The following TAB2 variants were observed in gnomAD, a reference collection of about 807,000 sequenced individuals.
The protein encoded by TAB2 is TGF-beta activated kinase 1 (MAP3K7) binding protein 2.
In TAB2, 3 loss-of-function variants were observed where a neutral mutation model predicts 65.0. That is an observed-to-expected ratio of 0.05 (90% CI 0.02 to 0.12). The LOEUF (loss-of-function observed/expected upper bound fraction) is 0.12, where lower values mean the gene tolerates loss of function less well. Among genes scored for constraint, TAB2 ranks in the 10% least tolerant of loss-of-function variants. TAB2 has a pLI of 1.00. For synonymous variants in TAB2, 298 were observed against 285.1 expected, an observed-to-expected ratio of 1.05 and a Z score of -0.46; for missense variants, 623 against 840.3, an observed-to-expected ratio of 0.74 and a Z score of 3.20.
At chr6:149,400,188 G>C in intron 6 of TAB2, 1 of 586,718 alleles carries the variant, frequency 1.7e-6, no homozygotes, top group Non-Finnish European at 3.0e-6. Context: ...TTAAAAACAG[G>C]ATCTGGCAGC....
chr6:149,400,439 T>C, intron 6 of TAB2: 1 of 1,614,182 alleles, frequency 6.2e-7, no homozygotes, highest in Non-Finnish European at 8.5e-7. Flanking sequence ...AGAACAACAA[T>C]CATATTAATT....
intron 1 of TAB2, among the ~76,000 whole-genome samples, chr6:149,297,358 A>G (rs750449000): frequency 1.3e-5 from 2 of 152,208 alleles, no homozygotes; most frequent in Admixed American, 6.5e-5. Context: ...ATGACTTCTC[A>G]TTTTAAAAAT....
chr6:149,235,363 T>C (rs890965560), intron 1 of TAB2, among the ~76,000 whole-genome samples: 1 of 152,202 alleles, frequency 6.6e-6, no homozygotes, highest in African/African-American at 2.4e-5. Context: ...GGATATTCTG[T>C]TGAGGAAGAG....
At chr6:149,302,269 G>A (rs1024863144) in intron 1 of TAB2, among the ~76,000 whole-genome samples, 11 of 152,134 alleles carry the variant, frequency 7.2e-5, no homozygotes, top group South Asian at 2.1e-4. Flanking sequence ...GGCATATATC[G>A]AAATGTTAAC....
intron 1 of TAB2, among the ~76,000 whole-genome samples, chr6:149,263,990 A>G (rs1290256880): frequency 3.3e-5 from 5 of 152,178 alleles, no homozygotes; most frequent in Non-Finnish European, 7.4e-5. Flanking sequence ...CCCAGGGAGG[A>G]TCAAGTGAAT....
intron 1 of TAB2, among the ~76,000 whole-genome samples, chr6:149,332,838 G>A (rs1418775638): frequency 6.6e-6 from 1 of 152,180 alleles, no homozygotes; most frequent in East Asian, 1.9e-4. Context: ...AGAAAGACAT[G>A]TCTCCTGAGT....
chr6:149,377,908 A>T, intron 2 of TAB2, 110 bp from the exon 3 acceptor site: 1 of 816,534 alleles, frequency 1.2e-6, no homozygotes, highest in Non-Finnish European at 2.0e-6. Context: ...ATCCAAATAT[A>T]TGTTATAATT....
intron 2 of TAB2, among the ~76,000 whole-genome samples, chr6:149,373,057 CTTAAGT>C (rs1324485149): frequency 8.5e-5 from 13 of 152,280 alleles, no homozygotes; most frequent in African/African-American, 2.2e-4. Flanking sequence ...CCTCTTTTCT[CTTAAGT>C]TTATCTGTTG....
At chr6:149,327,964 T>G (rs1362749570) in intron 1 of TAB2, among the ~76,000 whole-genome samples, 2 of 152,226 alleles carry the variant, frequency 1.3e-5, no homozygotes, top group South Asian at 2.1e-4. Flanking sequence ...TCATGAACAT[T>G]GCCATACATT....
At chr6:149,342,827 T>G (rs1443888424) in intron 1 of TAB2, 1 of 152,194 alleles carries the variant, frequency 6.6e-6, no homozygotes, top group Non-Finnish European at 1.5e-5. Flanking sequence ...AATTTTTCTA[T>G]TTCCAGGTAT....
At chr6:149,317,637 G>GGGTGGGGGCAGAGGGA (rs1468005217), upstream of TAB2, 1 of 160,408 alleles carries the variant, frequency 6.2e-6, no homozygotes, top group Non-Finnish European at 1.4e-5. The surrounding 1 kb of genome is among the most constrained non-coding windows in gnomAD (Gnocchi z 4.7). Context: ...AGCGCGAGGG[G>GGGTGGGGGCAGAGGGA]GGTGGGGGCA....
chr6:149,229,650 C>A (rs1165595448), intron 1 of TAB2, among the ~76,000 whole-genome samples: 2 of 152,096 alleles, frequency 1.3e-5, no homozygotes, highest in African/African-American at 4.8e-5. Flanking sequence ...GGTGGTGATC[C>A]AGCAGGGCCG....
upstream of TAB2, among the ~76,000 whole-genome samples, chr6:149,314,189 T>C (rs1046181307): frequency 2.6e-5 from 4 of 152,236 alleles, no homozygotes; most frequent in African/African-American, 9.6e-5. Flanking sequence ...CTATATTAAC[T>C]CTTCATTATC....
At chr6:149,217,959 A>G (rs1777058023), upstream of TAB2, 1 of 152,166 alleles carries the variant, frequency 6.6e-6, no homozygotes, top group African/African-American at 2.4e-5. Context: ...GTATGGAGGC[A>G]AAAGCTGAAG....
At chr6:149,408,646 A>G (rs1284876764) in intron 6 of TAB2, among the ~76,000 whole-genome samples, 1 of 152,156 alleles carries the variant, frequency 6.6e-6, no homozygotes, top group East Asian at 1.9e-4. Context: ...TGCTCCTTTT[A>G]CTTTAAACCT....
At chr6:149,229,032 T>C (rs1777344016) in intron 1 of TAB2, among the ~76,000 whole-genome samples, 1 of 152,174 alleles carries the variant, frequency 6.6e-6, no homozygotes, top group Non-Finnish European at 1.5e-5. Flanking sequence ...ATTGGAAAGA[T>C]GGCAGCAAAG....
chr6:149,409,740 C>T lies in TAB2; in HGVS notation c.*21C>T, dbSNP rs934194599. 6.2e-7 allele frequency: 1 copy of T among 1,613,744 alleles called. No individual in the cohort carries two copies. Among genetic ancestry groups the T allele is most frequent in the African/African-American group, 1.3e-5 (1 of 74,896 alleles). ...TCTGAGCCAAATGGCCCTGTATCTTCTCTAAAACCACATCTAAAGTTCAAG... is the reference window on the plus strand; with the variant it reads ...TCTGAGCCAAATGGCCCTGTATCTTTTCTAAAACCACATCTAAAGTTCAAG... On this transcript the variant is annotated 3_prime_UTR_variant, in exon 7 of 7. Transcript: ENST00000637181.
intron 1 of TAB2, among the ~76,000 whole-genome samples, chr6:149,356,269 T>A (rs938768429): frequency 6.6e-6 from 1 of 152,202 alleles, no homozygotes; most frequent in African/African-American, 2.4e-5. Flanking sequence ...TCACAGTGAT[T>A]CTGTGACTAA....
chr6:149,239,276 C>T (rs2114640752), intron 1 of TAB2, among the ~76,000 whole-genome samples: 1 of 152,312 alleles, frequency 6.6e-6, no homozygotes, highest in South Asian at 2.1e-4. Context: ...CTCTTGGTCA[C>T]CGTGACTTTA....
Sources: allele counts gnomAD v4.1 joint callset (sites outside exome capture counted in the v4.1 genomes callset), GRCh38; gene constraint gnomAD v4.1.1; non-coding constraint Gnocchi (gnomAD v3.1); transcripts MANE v1.5; gene names NCBI Gene and HGNC (gene_info 2026-07-23, HGNC 2026-07-21).